RBP7: variants seen among roughly 807,000 people sequenced by gnomAD.
RBP7 encodes the protein retinol binding protein 7, also known as retinoid-binding protein 7.
RBP7 carries 13 observed loss-of-function variants against 16.7 expected under a neutral mutation model. The ratio of observed to expected loss-of-function variants is 0.78; its 90% CI spans 0.51 to 1.24. RBP7 has a LOEUF of 1.24. Ranked by LOEUF, RBP7 falls within the 50% of genes most tolerant of loss-of-function variation. RBP7 has a pLI of 0.00. For synonymous variants in RBP7, 54 were observed against 56.2 expected, an observed-to-expected ratio of 0.96 and a Z score of 0.17; for missense variants, 145 against 159.5, an observed-to-expected ratio of 0.91 and a Z score of 0.49.
At chr1:10,007,847 G>A in intron 2 of RBP7, 99 bp downstream of exon 2, 1 of 1,100,354 alleles carries the variant, frequency 9.1e-7, no homozygotes, top group Non-Finnish European at 1.3e-6. Context: ...AGTAGTTTGA[G>A]ACCAGCCTGG....
intron 3 of RBP7, 80 bp downstream of exon 3, chr1:10,008,354 T>A: frequency 4.5e-6 from 4 of 882,410 alleles, no homozygotes; most frequent in East Asian, 2.6e-5. Context: ...CTCACACCTG[T>A]AATCCCAGCA....
At chr1:10,001,582 T>TGGGATTTG (rs1298196932) in intron 1 of RBP7, among the ~76,000 whole-genome samples, 1 of 151,920 alleles carries the variant, frequency 6.6e-6, no homozygotes, top group East Asian at 1.9e-4. Flanking sequence ...TTTTAATATT[T>TGGGATTTG]GGAGCTAACC....
At chr1:9,998,430 C>A (rs1642212477) in intron 1 of RBP7, among the ~76,000 whole-genome samples, 1 of 47,320 alleles carries the variant, frequency 2.1e-5, no homozygotes, top group Admixed American at 3.1e-4. Context: ...TTTTTTGAGA[C>A]GGAGTCTCGC....
At chr1:9,999,343 T>C (rs1642226806) in intron 1 of RBP7, among the ~76,000 whole-genome samples, 1 of 151,790 alleles carries the variant, frequency 6.6e-6, no homozygotes, top group African/African-American at 2.4e-5. Context: ...GGTCAGGAGT[T>C]CAAGACCAGC....
At chr1:10,000,992 C>T (rs2101732184) in intron 1 of RBP7, among the ~76,000 whole-genome samples, 1 of 152,184 alleles carries the variant, frequency 6.6e-6, no homozygotes, top group East Asian at 1.9e-4. Flanking sequence ...CCTTGGCCTC[C>T]CAAAGTGCTG....
intron 1 of RBP7, among the ~76,000 whole-genome samples, chr1:10,005,356 C>T (rs528246081): frequency 3.3e-5 from 5 of 151,824 alleles, no homozygotes; most frequent in African/African-American, 9.7e-5. Context: ...AGCCACCATG[C>T]CCAGCCTCAG....
At position 10,015,945 on chromosome 1, in the gene RBP7, G is replaced by A. The variant is rs1642764595; in HGVS notation, c.*113G>A. ...GGCGACGAGGACTCGTGGCTGGAGA[G>A]AGCCACACAGCGTGTAACCTGAAGT... is the stretch of plus-strand genomic sequence containing the variant. On this transcript the variant is annotated 3_prime_UTR_variant, in exon 4 of 4. Transcript: ENST00000294435. 3 of 915,348 alleles carry A rather than the reference G, an allele frequency of 3.3e-6. No homozygotes were observed. The South Asian group carries it at 4.1e-5, about 13-fold the overall frequency. The allele number at this position is 915,348 out of a possible 1,614,324, so 56.7% of individuals were successfully genotyped here. A position where few individuals can be genotyped will look rare whatever the true frequency, so the allele number is the denominator to read the frequency against.
At chr1:9,998,016 G>T (rs1642203265) in intron 1 of RBP7, among the ~76,000 whole-genome samples, 1 of 152,202 alleles carries the variant, frequency 6.6e-6, no homozygotes, top group Admixed American at 6.5e-5. Context: ...CCCGCGCTGT[G>T]CTTCCCGCCC....
chr1:10,005,184 A>G (rs1031689232), intron 1 of RBP7, among the ~76,000 whole-genome samples: 1 of 152,106 alleles, frequency 6.6e-6, no homozygotes, highest in African/African-American at 2.4e-5. Flanking sequence ...CACTATGCCC[A>G]GCTGTTTTTT....
At position 10,007,700 on chromosome 1, in the gene RBP7, A is replaced by C; in HGVS notation, c.204A>C (p.Gly68=). 8.1e-6 allele frequency: 13 copies of C among 1,614,002 alleles called. No individual in the cohort carries two copies. Among genetic ancestry groups the C allele is most frequent in the Non-Finnish European group, 1.1e-5 (13 of 1,180,008 alleles). ...ACTACTTTGTGAAATTTAAAGTTGG[A>C]GAAGAATTTGATGAAGATAACAGAG... ...LRNYFVKFKV[G]EEFDEDNRGL... The change falls in exon 2 of 4, where the codon GGA becomes GGC. Residue 68 remains glycine (G), a synonymous_variant. Coordinates refer to ENST00000294435, the MANE Select transcript of RBP7 (RefSeq NM_052960.3).
chr1:10,015,620 C>T (rs1019709637), intron 3 of RBP7, among the ~76,000 whole-genome samples, 162 bp from the exon 4 acceptor site: 1 of 150,430 alleles, frequency 6.6e-6, no homozygotes, highest in Non-Finnish European at 1.5e-5. Context: ...GCCGAGATCT[C>T]ACCACTGTAC....
intron 1 of RBP7, among the ~76,000 whole-genome samples, chr1:10,003,431 T>TAAAC (rs538936882): frequency 2.8e-4 from 43 of 152,092 alleles, no homozygotes; most frequent in African/African-American, 8.0e-4. Flanking sequence ...TCTGTCTGAA[T>TAAAC]AAACAAACAA....
Position 10,015,886 on chromosome 1 carries a change from T to TTGCA in RBP7, c.*55_*58dup. 6.6e-7 allele frequency: 1 copy of TTGCA among 1,523,912 alleles called. No homozygotes were observed. The highest frequency in any genetic ancestry group is 9.1e-7 in the Non-Finnish European group (1 of 1,098,712). 94.4% of individuals were successfully genotyped at this position (1,523,912 alleles called of 1,614,324 possible). A position where few individuals can be genotyped will look rare whatever the true frequency, so the allele number is the denominator to read the frequency against. ...GGCTGCAGCTTTATGCCAAATTATATTGCAGACTGAACAGACGTTTATCTA... is the reference window on the plus strand; with the variant it reads ...GGCTGCAGCTTTATGCCAAATTATATTGCATGCAGACTGAACAGACGTTTATCTA... On this transcript the variant is annotated 3_prime_UTR_variant, in exon 4 of 4. Coordinates refer to ENST00000294435, the MANE Select transcript of RBP7 (RefSeq NM_052960.3).
At chr1:10,005,648 C>T (rs188179159) in intron 1 of RBP7, among the ~76,000 whole-genome samples, 2 of 151,908 alleles carry the variant, frequency 1.3e-5, no homozygotes, top group East Asian at 3.9e-4. Context: ...ACTGCAGCCT[C>T]CACCTCCTGG....
intron 1 of RBP7, among the ~76,000 whole-genome samples, chr1:10,004,887 G>A (rs1246779753): frequency 6.6e-6 from 1 of 152,102 alleles, no homozygotes; most frequent in African/African-American, 2.4e-5. Flanking sequence ...CAGCTACTTG[G>A]GAGGCTGAGG....
At chr1:10,009,036 C>A (rs143496544) in intron 3 of RBP7, among the ~76,000 whole-genome samples, 1 of 152,098 alleles carries the variant, frequency 6.6e-6, no homozygotes, top group South Asian at 2.1e-4. Context: ...GTGAAAAGGA[C>A]GCCATTTTTC....
intron 1 of RBP7, among the ~76,000 whole-genome samples, chr1:9,998,031 C>T (rs1642203584): frequency 6.6e-6 from 1 of 152,238 alleles, no homozygotes; most frequent in African/African-American, 2.4e-5. Context: ...CCGCCCTCAT[C>T]GCGGTGCCAA....
At chr1:10,014,722 G>A (rs1348383372) in intron 3 of RBP7, among the ~76,000 whole-genome samples, 1 of 152,088 alleles carries the variant, frequency 6.6e-6, no homozygotes, top group African/African-American at 2.4e-5. Flanking sequence ...TAATAAACTG[G>A]TAATAGTAAG....
intron 3 of RBP7, among the ~76,000 whole-genome samples, chr1:10,009,181 G>A (rs562696243): frequency 3.3e-5 from 5 of 152,146 alleles, no homozygotes; most frequent in Admixed American, 2.6e-4. Flanking sequence ...GGAGGCTGAC[G>A]TGGGCGGATC....
Sources: allele counts gnomAD v4.1 joint callset (sites outside exome capture counted in the v4.1 genomes callset), GRCh38; gene constraint gnomAD v4.1.1; transcripts MANE v1.5; gene names NCBI Gene and HGNC (gene_info 2026-07-23, HGNC 2026-07-21).